TBC1D19: variants seen among roughly 807,000 people sequenced by gnomAD.
TBC1D19 encodes the protein TBC1 domain family, member 19.
TBC1D19 carries 60 observed loss-of-function variants against 89.0 expected under a neutral mutation model. The ratio of observed to expected loss-of-function variants is 0.67; its 90% CI spans 0.55 to 0.84. The LOEUF (loss-of-function observed/expected upper bound fraction) is 0.84. TBC1D19 is among the 40% of genes least tolerant of loss of function. The pLI is 0.00. For synonymous variants in TBC1D19, 189 were observed against 199.7 expected (o/e 0.95, Z 0.45); for missense variants, 500 against 610.8 (o/e 0.82, Z 1.91).
At chr4:26,801,827 T>G in the TBC1D19 span, among the ~76,000 whole-genome samples, 2 of 152,096 alleles carry the variant, frequency 1.3e-5, no homozygotes, top group Non-Finnish European at 2.9e-5. Flanking sequence ...AGGTTCAAAT[T>G]CATGTGCAAT....
At chr4:26,621,931 A>C (rs1248731624) in intron 4 of TBC1D19, among the ~76,000 whole-genome samples, 1 of 152,152 alleles carries the variant, frequency 6.6e-6, no homozygotes, top group Non-Finnish European at 1.5e-5. Context: ...TGATGAGTTC[A>C]TGTCCTTTGT....
At chr4:26,698,754 A>C (rs975264227) in intron 13 of TBC1D19, among the ~76,000 whole-genome samples, 1 of 152,098 alleles carries the variant, frequency 6.6e-6, no homozygotes, top group Non-Finnish European at 1.5e-5. Flanking sequence ...CAAAAAGAAG[A>C]AATGGGGAAA....
chr4:26,801,206 A>G, the TBC1D19 span, among the ~76,000 whole-genome samples: 18 of 152,200 alleles, frequency 1.2e-4, no homozygotes, highest in Non-Finnish European at 2.5e-4. Context: ...GAAGGGATCC[A>G]GTTTCAGCTT....
intron 6 of TBC1D19, 131 bp downstream of exon 6, chr4:26,638,965 C>T (rs1468055199): frequency 5.3e-6 from 4 of 758,374 alleles, no homozygotes; most frequent in Non-Finnish European, 8.5e-6. Flanking sequence ...TTTCTATCAT[C>T]TGGAAAACCA....
intron 1 of TBC1D19, among the ~76,000 whole-genome samples, chr4:26,605,602 A>G (rs1451948655): frequency 1.3e-5 from 2 of 152,076 alleles, no homozygotes; most frequent in African/African-American, 4.8e-5. Flanking sequence ...TGGTATTTCT[A>G]GTTCTAGATC....
chr4:26,644,325 CAT>C (rs1381925700), intron 7 of TBC1D19, among the ~76,000 whole-genome samples: 1 of 152,144 alleles, frequency 6.6e-6, no homozygotes, highest in African/African-American at 2.4e-5. Flanking sequence ...ACAAAAATCA[CAT>C]GATTATCTCA....
intron 4 of TBC1D19, among the ~76,000 whole-genome samples, chr4:26,633,646 C>T (rs1231172542): frequency 6.6e-6 from 1 of 152,062 alleles, no homozygotes; most frequent in African/African-American, 2.4e-5. Flanking sequence ...TAGAATTAGC[C>T]TATTTCTTCT....
chr4:26,682,582 T>C (rs1397580345), intron 11 of TBC1D19, among the ~76,000 whole-genome samples: 2 of 152,206 alleles, frequency 1.3e-5, no homozygotes, highest in African/African-American at 4.8e-5. Context: ...ACAGATCCGC[T>C]GTCCTAAATT....
chr4:26,800,044 T>C, the TBC1D19 span, among the ~76,000 whole-genome samples: 2 of 152,154 alleles, frequency 1.3e-5, no homozygotes, highest in African/African-American at 4.8e-5. Flanking sequence ...TTAGGGTACA[T>C]GTGCACAATG....
At chr4:26,602,437 T>C (rs945790970) in intron 1 of TBC1D19, among the ~76,000 whole-genome samples, 1 of 11,962 alleles carries the variant, frequency 8.4e-5, no homozygotes, top group East Asian at 7.2e-3. Flanking sequence ...ATTGTATTCT[T>C]TTTTTTTTTT....
the TBC1D19 span, among the ~76,000 whole-genome samples, chr4:26,765,423 T>C: frequency 6.8e-6 from 1 of 147,950 alleles, no homozygotes; most frequent in African/African-American, 2.5e-5. Flanking sequence ...TGAACTCATA[T>C]TGGGGGCTGG....
At chr4:26,720,968 A>G (rs1306966180) in intron 15 of TBC1D19, among the ~76,000 whole-genome samples, 1 of 152,064 alleles carries the variant, frequency 6.6e-6, no homozygotes, top group Non-Finnish European at 1.5e-5. Context: ...ACTGATCACT[A>G]TATCTAAAAC....
chr4:26,600,046 A>G (rs527557228), intron 1 of TBC1D19, among the ~76,000 whole-genome samples: 9 of 151,302 alleles, frequency 5.9e-5, no homozygotes, highest in African/African-American at 2.2e-4. Flanking sequence ...TTATGTTATC[A>G]TGCATTATTT....
chr4:26,621,356 G>A (rs1742035671), intron 4 of TBC1D19, among the ~76,000 whole-genome samples: 1 of 152,158 alleles, frequency 6.6e-6, no homozygotes, highest in Non-Finnish European at 1.5e-5. Context: ...CACAGTGCTG[G>A]TTGAGTAGGA....
intron 1 of TBC1D19, among the ~76,000 whole-genome samples, chr4:26,600,910 A>G (rs368769220): frequency 2.0e-5 from 3 of 152,204 alleles, no homozygotes; most frequent in Non-Finnish European, 4.4e-5. Flanking sequence ...AGAAAGAACC[A>G]TAAGTATTAG....
At chr4:26,841,845 G>A in the TBC1D19 span, among the ~76,000 whole-genome samples, 2 of 152,316 alleles carry the variant, frequency 1.3e-5, no homozygotes, top group African/African-American at 4.8e-5. Context: ...TGTGATGTCA[G>A]TGATTCTGAC....
intron 7 of TBC1D19, among the ~76,000 whole-genome samples, chr4:26,659,352 T>C (rs998004191): frequency 6.6e-6 from 1 of 152,184 alleles, no homozygotes; most frequent in African/African-American, 2.4e-5. Context: ...ATTCTTAACT[T>C]GGTAGAGTTT....
At chr4:26,785,831 T>C in the TBC1D19 span, among the ~76,000 whole-genome samples, 1 of 152,326 alleles carries the variant, frequency 6.6e-6, no homozygotes, top group East Asian at 1.9e-4. Context: ...CTGGGGTCTT[T>C]AGGAACTTTT....
intron 18 of TBC1D19, among the ~76,000 whole-genome samples, chr4:26,744,388 T>C (rs76348078): frequency 0.047 from 7,164 of 151,590 alleles, 236 homozygotes; most frequent in Non-Finnish European, 0.065. Flanking sequence ...TTATTTTTAC[T>C]CTTATATTTA....
Sources: gnomAD v4.1 joint callset for allele counts (sites outside exome capture counted in the v4.1 genomes callset) on GRCh38, gnomAD v4.1.1 for gene constraint, MANE v1.5 for transcripts, NCBI Gene and HGNC (gene_info 2026-07-23, HGNC 2026-07-21) for gene names.